Variants in CCDC57 observed in about 807,000 individuals in gnomAD.
CCDC57 encodes the protein coiled-coil domain containing 57.
Under a neutral mutation model 118.9 loss-of-function variants are expected in CCDC57, and 118 were observed. The observed-to-expected ratio is 0.99, with a 90% CI of 0.86 to 1.16. The LOEUF is 1.16. Ranked by LOEUF, CCDC57 falls within the 50% of genes most tolerant of loss-of-function variation. CCDC57 has a pLI of 0.00. For missense variants in CCDC57, 1,300 were observed against 1,320.7 expected, an observed-to-expected ratio of 0.98 and a Z score of 0.24; for synonymous variants, 527 against 532.9, an observed-to-expected ratio of 0.99 and a Z score of 0.15.
chr17:82,167,055 T>C (rs921961378), intron 13 of CCDC57, among the ~76,000 whole-genome samples: 1 of 151,842 alleles, frequency 6.6e-6, no homozygotes, highest in Non-Finnish European at 1.5e-5. Context: ...CTGATAAACC[T>C]GAAGAACAGA....
Position 82,127,860 on chromosome 17 carries a change from C to T in CCDC57, c.2731G>A (p.Glu911Lys), listed in dbSNP as rs754137716. The change falls in exon 19 of 20, where the codon GAA becomes AAA. Residue 911 changes from glutamate (E) to lysine (K), a missense_variant. By Grantham distance (56) the Glu-to-Lys change is moderately conservative. Coordinates refer to ENST00000665763, the Ensembl canonical transcript of CCDC57. Reference sequence around the variant, plus strand: ...TGGGGTGGCTTTGGGGACCTGTCTTCTTTCTGCCGAGGTGATTTACAGGTC... The same window carrying T: ...TGGGGTGGCTTTGGGGACCTGTCTTTTTTCTGCCGAGGTGATTTACAGGTC... The T allele has an allele frequency of 5.0e-6, 8 of 1,610,848 alleles. No homozygotes were observed. The South Asian group carries it at 6.6e-5, about 13-fold the overall frequency.
chr17:82,125,710 A>G (rs1015394477), intron 19 of CCDC57, among the ~76,000 whole-genome samples: 5 of 152,188 alleles, frequency 3.3e-5, no homozygotes, highest in African/African-American at 1.2e-4. Flanking sequence ...AAGAAAAAAG[A>G]AAAAACAAAT....
At chr17:82,198,210 G>T (rs2048536103) in intron 4 of CCDC57, 104 bp downstream of exon 3, 2 of 658,292 alleles carry the variant, frequency 3.0e-6, no homozygotes, top group Admixed American at 3.0e-5. Context: ...GAGAATGCAG[G>T]CAATGAACCA....
chr17:82,175,584 C>T (rs2045363822), intron 11 of CCDC57: 1 of 152,216 alleles, frequency 6.6e-6, no homozygotes, highest in Non-Finnish European at 1.5e-5. Flanking sequence ...CGGAAGCCTC[C>T]TCCCCACTTG....
intron 16 of CCDC57, among the ~76,000 whole-genome samples, chr17:82,147,637 A>T (rs2040965774): frequency 8.4e-6 from 1 of 118,348 alleles, no homozygotes; most frequent in South Asian, 3.2e-4. Context: ...GGGTGGGTGG[A>T]TGGATGGGTG....
intron 19 of CCDC57, among the ~76,000 whole-genome samples, chr17:82,103,786 G>A (rs1423254268): frequency 1.3e-5 from 2 of 152,146 alleles, no homozygotes; most frequent in African/African-American, 2.4e-5. Flanking sequence ...GCTGTATCCC[G>A]GGGCGAAGCA....
intron 4 of CCDC57, among the ~76,000 whole-genome samples, chr17:82,197,155 T>C (rs917661228): frequency 7.2e-5 from 6 of 83,578 alleles, no homozygotes; most frequent in African/African-American, 2.4e-4. Flanking sequence ...CCCTCGTGAC[T>C]CCTGCAGACG....
Position 82,103,446 on chromosome 17 carries a change from G to A in CCDC57, c.2900-1580C>T, listed in dbSNP as rs529174934. The stretch of plus-strand genomic sequence containing the variant: ...AACAATAAGCCTGCCTGACCTCCTG[G>A]TCCCGGCCAACGCCCCCATCCCCAC... On this transcript the variant is annotated intron_variant, in intron 19 of 19. Coordinates refer to ENST00000665763, the Ensembl canonical transcript of CCDC57. Among the ~76,000 whole-genome samples the A allele has an allele frequency of 4.8e-4, 73 of 152,220 alleles. 1 individual carries two copies. In the South Asian group the frequency reaches 0.015, roughly 31 times the overall value.
At chr17:82,148,329 A>T (rs1210267754) in intron 16 of CCDC57, among the ~76,000 whole-genome samples, 1 of 39,726 alleles carries the variant, frequency 2.5e-5, no homozygotes, top group Non-Finnish European at 4.4e-5. Flanking sequence ...GGGTGGGTGG[A>T]TGGATGGATG....
At chr17:82,141,601 T>C (rs573407938) in intron 16 of CCDC57, among the ~76,000 whole-genome samples, 1 of 152,312 alleles carries the variant, frequency 6.6e-6, no homozygotes, top group East Asian at 1.9e-4. Context: ...GCTGCACCTA[T>C]GGAAATAACC....
intron 4 of CCDC57, among the ~76,000 whole-genome samples, chr17:82,196,072 C>T (rs767016851): frequency 2.0e-5 from 3 of 152,214 alleles, no homozygotes; most frequent in Non-Finnish European, 4.4e-5. Flanking sequence ...ATAGTCACGG[C>T]CCAGCCAGAA....
chr17:82,116,044 G>T (rs183553521), intron 19 of CCDC57, among the ~76,000 whole-genome samples: 1 of 147,356 alleles, frequency 6.8e-6, no homozygotes, highest in Non-Finnish European at 1.5e-5. Context: ...TGATCCACCC[G>T]CCTCAGCCTC....
intron 16 of CCDC57, among the ~76,000 whole-genome samples, chr17:82,142,313 T>G (rs944562963): frequency 2.6e-5 from 4 of 151,552 alleles, no homozygotes; most frequent in East Asian, 1.9e-4. Context: ...GAAGTTGTGT[T>G]TGTTTTTTTT....
chr17:82,183,780 A>G, exon 9 of CCDC57: 1 of 1,558,180 alleles, frequency 6.4e-7, no homozygotes, highest in Non-Finnish European at 8.7e-7. Context: ...TTACCTTTCA[A>G]TGTCCTGCTG....
At chr17:82,125,437 A>G (rs11871851) in intron 19 of CCDC57, among the ~76,000 whole-genome samples, 80,760 of 150,986 alleles carry the variant, frequency 0.53, 22,370 homozygotes, top group Non-Finnish European at 0.58. Context: ...GTGCAGTGGT[A>G]CAATCTCAGC....
intron 13 of CCDC57, 68 bp downstream of exon 12, chr17:82,171,633 G>A (rs2044751420): frequency 1.3e-6 from 2 of 1,534,114 alleles, no homozygotes; most frequent in African/African-American, 1.4e-5. Flanking sequence ...GCTATGAGCG[G>A]ACTTTTGCAG....
intron 16 of CCDC57, among the ~76,000 whole-genome samples, chr17:82,150,575 T>C (rs368671213): frequency 5.2e-3 from 91 of 17,554 alleles, no homozygotes; most frequent in East Asian, 0.011. Flanking sequence ...AGGCGCACAC[T>C]CAGAACCTGA....
chr17:82,157,396 A>G, intron 15 of CCDC57: 1 of 1,180,066 alleles, frequency 8.5e-7, no homozygotes. Context: ...ACGCCCCCTC[A>G]GCAGGCCGTC....
rs2044925687 is a variant in CCDC57, at chr17:82,172,851, T to C, written c.1516A>G (p.Arg506Gly). 6.2e-7 allele frequency: 1 copy of C among 1,610,478 alleles called. No individual in the cohort carries two copies. ...TTACTTATTTCTTCTTCATGCTGCC[T>C]GAGAAGCATCTGTCAAATACAAGGA... Residue 506 changes from arginine to glycine, a missense_variant, in exon 12 of 20, where the codon AGG becomes GGG. Arg to Gly is a moderately radical substitution (Grantham distance 125). Transcript: ENST00000665763. The surrounding 1 kb of genome is among the most constrained non-coding windows in gnomAD (Gnocchi z 5.2).
Sources: allele counts gnomAD v4.1 joint callset (sites outside exome capture counted in the v4.1 genomes callset), GRCh38; gene constraint gnomAD v4.1.1; non-coding constraint Gnocchi (gnomAD v3.1); transcripts MANE v1.5; gene names NCBI Gene and HGNC (gene_info 2026-07-23, HGNC 2026-07-21).